The following PDE10A variants were observed in gnomAD, a reference collection of about 807,000 sequenced individuals.
PDE10A encodes phosphodiesterase 10A.
PDE10A carries 39 observed loss-of-function variants against 97.7 expected under a neutral mutation model. That is an observed-to-expected ratio of 0.40 (90% CI 0.31 to 0.52). PDE10A has a LOEUF of 0.52. Among genes scored for constraint, PDE10A ranks in the 20% least tolerant of loss-of-function variants. PDE10A has a pLI of 0.56. For missense variants in PDE10A, 731 were observed against 1,047.8 expected, an observed-to-expected ratio of 0.70 and a Z score of 4.17; for synonymous variants, 371 against 376.8, an observed-to-expected ratio of 0.98 and a Z score of 0.18.
chr6:165,909,511 G>A (rs543237916), intron 1 of PDE10A, among the ~76,000 whole-genome samples: 52 of 152,348 alleles, frequency 3.4e-4, no homozygotes, highest in African/African-American at 9.4e-4. Flanking sequence ...AATAATTGAA[G>A]CAATGGCCTG....
rs1784483035 is a variant in PDE10A, at chr6:165,965,447, C to T, written c.-615+22082G>A. Reference sequence around the variant, plus strand: ...GGGCACTGAACACGGGAATACGGAGCTGAGGATAACTCTTGGAGTGAAAAT... The same window carrying T: ...GGGCACTGAACACGGGAATACGGAGTTGAGGATAACTCTTGGAGTGAAAAT... On this transcript the variant is annotated intron_variant, in intron 1 of 19. Transcript: ENST00000366882. 2.0e-5 allele frequency among the ~76,000 whole-genome samples: 3 copies of T among 152,096 alleles called. No homozygotes were observed. In the South Asian group the frequency reaches 6.2e-4, roughly 32 times the overall value.
At chr6:165,449,323 A>T (rs1412484924) in intron 4 of PDE10A, among the ~76,000 whole-genome samples, 3 of 152,214 alleles carry the variant, frequency 2.0e-5, no homozygotes, top group Admixed American at 6.5e-5. Flanking sequence ...TTAAAATACC[A>T]CAAGTGATAT....
intron 1 of PDE10A, among the ~76,000 whole-genome samples, chr6:165,824,173 G>C (rs1779658999): frequency 6.6e-6 from 1 of 152,148 alleles, no homozygotes; most frequent in Admixed American, 6.5e-5. Context: ...CTGGCACATA[G>C]TAGGTGTTTG....
chr6:165,834,543 G>A lies in PDE10A; in HGVS notation c.-615+152986C>T, dbSNP rs1465149125. Among the ~76,000 whole-genome samples the A allele has an allele frequency of 2.0e-5, 3 of 152,160 alleles. No homozygotes were observed. The East Asian group carries it at 5.8e-4, about 29-fold the overall frequency. ...CATTTCAAATGGTGAAGAGCAGCAG[G>A]GGCTTGGAAGGCACAGATCTGGAAT... On this transcript the variant is annotated intron_variant, in intron 1 of 19. Transcript: ENST00000366882.
At chr6:165,384,922 C>T (rs1785192781) in intron 17 of PDE10A, among the ~76,000 whole-genome samples, 1 of 152,082 alleles carries the variant, frequency 6.6e-6, no homozygotes, top group Admixed American at 6.6e-5. Flanking sequence ...TGCTTACGTC[C>T]TATCTGTCTG....
intron 1 of PDE10A, among the ~76,000 whole-genome samples, chr6:165,689,279 A>G (rs1228066555): frequency 6.6e-6 from 1 of 152,208 alleles, no homozygotes; most frequent in African/African-American, 2.4e-5. Flanking sequence ...TTCAAGGGTT[A>G]AATGTTCTTT....
chr6:165,557,530 C>A (rs1214504180), intron 1 of PDE10A, among the ~76,000 whole-genome samples: 1 of 152,042 alleles, frequency 6.6e-6, no homozygotes, highest in Non-Finnish European at 1.5e-5. Context: ...TTCCACTTAT[C>A]AAAATACGTT....
chr6:165,968,031 A>G (rs757559177), intron 1 of PDE10A, among the ~76,000 whole-genome samples: 2 of 152,242 alleles, frequency 1.3e-5, no homozygotes, highest in Non-Finnish European at 2.9e-5. Context: ...GTCCAAGGTT[A>G]GGAGACAATG....
chr6:165,497,198 G>A (rs552150903), intron 2 of PDE10A, among the ~76,000 whole-genome samples: 36 of 152,172 alleles, frequency 2.4e-4, no homozygotes, highest in Middle Eastern at 6.8e-3. Context: ...ATAACTTGTT[G>A]TAATCACATT....
chr6:165,437,933 G>T (rs1236912543), intron 5 of PDE10A, among the ~76,000 whole-genome samples: 2 of 152,120 alleles, frequency 1.3e-5, no homozygotes, highest in African/African-American at 2.4e-5. Context: ...CACATGTTTT[G>T]CAGAAGCATA....
chr6:165,692,393 C>G (rs1283117814), intron 1 of PDE10A, among the ~76,000 whole-genome samples: 2 of 152,222 alleles, frequency 1.3e-5, no homozygotes, highest in African/African-American at 4.8e-5. Flanking sequence ...CAGCATCACA[C>G]ATTGGGCCCT....
intron 1 of PDE10A, among the ~76,000 whole-genome samples, chr6:165,788,138 A>C (rs578149573): frequency 6.6e-6 from 1 of 152,324 alleles, no homozygotes; most frequent in East Asian, 1.9e-4. Flanking sequence ...TGGTGGCCAC[A>C]TGCAACATGT....
chr6:165,352,506 A>C (rs1782754165), intron 18 of PDE10A, among the ~76,000 whole-genome samples: 2 of 152,218 alleles, frequency 1.3e-5, no homozygotes, highest in South Asian at 4.1e-4. Context: ...AGTTTCAAGC[A>C]ATATCAGATA....
At chr6:165,470,000 T>G (rs1051392234) in intron 3 of PDE10A, among the ~76,000 whole-genome samples, 2 of 152,176 alleles carry the variant, frequency 1.3e-5, no homozygotes, top group African/African-American at 4.8e-5. Flanking sequence ...TTTAGCCCTG[T>G]GGTTTTCAGC....
intron 20 of PDE10A, among the ~76,000 whole-genome samples, chr6:165,336,912 T>C (rs370569044): frequency 3.3e-5 from 5 of 152,242 alleles, no homozygotes; most frequent in African/African-American, 1.2e-4. Context: ...ACGTAAAGCC[T>C]GCTATTCTTT....
chr6:165,909,588 C>G (rs1782397742), intron 1 of PDE10A, among the ~76,000 whole-genome samples: 1 of 152,192 alleles, frequency 6.6e-6, no homozygotes, highest in Non-Finnish European at 1.5e-5. Context: ...AGGGATGTAA[C>G]TGGCTGCCCC....
chr6:165,689,998 A>C (rs6909245), intron 1 of PDE10A, among the ~76,000 whole-genome samples: 138,417 of 152,164 alleles, frequency 0.91, 63,228 homozygotes, highest in African/African-American at 0.98. Flanking sequence ...TTTTTTTAAC[A>C]AGACATTTTT....
At chr6:165,588,288 T>C (rs1174720757) in intron 1 of PDE10A, among the ~76,000 whole-genome samples, 17 of 104,762 alleles carry the variant, frequency 1.6e-4, no homozygotes, top group Admixed American at 2.2e-4. Flanking sequence ...TTTCTTTTTT[T>C]TTTTTTTTTT....
intron 2 of PDE10A, among the ~76,000 whole-genome samples, chr6:165,482,734 A>T (rs1428425140): frequency 6.6e-6 from 1 of 152,214 alleles, no homozygotes; most frequent in Non-Finnish European, 1.5e-5. Flanking sequence ...CGTGCTTCGA[A>T]GGTTAGTTCC....
Sources: allele counts gnomAD v4.1 joint callset (sites outside exome capture counted in the v4.1 genomes callset), GRCh38; gene constraint gnomAD v4.1.1; transcripts MANE v1.5; gene names NCBI Gene and HGNC (gene_info 2026-07-23, HGNC 2026-07-21).